Variants in CBFA2T3 observed in about 807,000 individuals in gnomAD.
The protein encoded by CBFA2T3 is transcriptional corepressor CBFA2T3.
CBFA2T3 carries 31 observed loss-of-function variants against 58.6 expected under a neutral mutation model. That is an observed-to-expected ratio of 0.53 (90% CI 0.40 to 0.71). CBFA2T3 has a LOEUF of 0.71. Among genes scored for constraint, CBFA2T3 ranks in the 30% least tolerant of loss-of-function variants. The pLI, the probability that CBFA2T3 is intolerant of heterozygous loss-of-function variation, is 0.00. For synonymous variants in CBFA2T3, 531 were observed against 421.9 expected, an observed-to-expected ratio of 1.26 and a Z score of -3.17; for missense variants, 1,076 against 963.1, an observed-to-expected ratio of 1.12 and a Z score of -1.55.
intron 1 of CBFA2T3, among the ~76,000 whole-genome samples, chr16:88,954,258 T>C (rs955838257): frequency 6.6e-6 from 1 of 151,922 alleles, no homozygotes; most frequent in African/African-American, 2.4e-5. Flanking sequence ...ACCCATCTAC[T>C]CTGACAGCCC....
rs539724734 is a variant in CBFA2T3 at position 88,953,261 on chromosome 16, C to T, written c.151+23396G>A. Among the ~76,000 whole-genome samples the T allele has an allele frequency of 1.7e-4, 26 of 152,326 alleles. No homozygotes were observed. The South Asian group carries it at 3.7e-3, about 22-fold the overall frequency. ...AGAGGCCGAGGGACCCTCATTTCTA[C>T]GTTTGCATCCCTTTCTTCCAGGGCC... On this transcript the variant is annotated intron_variant, in intron 1 of 11. Transcript: ENST00000268679. The surrounding 1 kb of genome is among the most constrained non-coding windows in gnomAD (Gnocchi z 4.9).
chr16:88,879,548 CAG>C lies in CBFA2T3; in HGVS notation c.1472-90_1472-89del, dbSNP rs565672384. On this transcript the variant is annotated intron_variant, in intron 10 of 11. Transcript: ENST00000268679. ...CCTACGCGTGGCCACAACCTGGGGA[CAG>C]GGGCTGTGTGCAGCTGAACACACGT... 11,543 of 1,244,000 alleles carry C rather than the reference CAG, an allele frequency of 9.3e-3. 84 individuals are homozygous for C. The highest frequency in any genetic ancestry group is 0.014 in the Middle Eastern group (75 of 5,184). The allele number at this position is 1,244,000 out of a possible 1,614,324, so 77.1% of individuals were successfully genotyped here. A position where few individuals can be genotyped will look rare whatever the true frequency, so the allele number is the denominator to read the frequency against.
Position 88,901,660 on chromosome 16 carries a change from C to T in CBFA2T3, c.152-4G>A, listed in dbSNP as rs369961032. On this transcript the variant is annotated splice_region_variant and splice_polypyrimidine_tract_variant and intron_variant, in intron 1 of 11. Transcript: ENST00000268679. ...TTAGCTTTCCTGTCCACTGGGGCTG[C>T]GACCAACGGAGAAAGAAAGAGTCGG... 23 of 1,523,480 alleles carry T rather than the reference C, an allele frequency of 1.5e-5. No individual in the cohort carries two copies. Among genetic ancestry groups the T allele is most frequent in the African/African-American group, 5.8e-5 (4 of 68,520 alleles). 94.4% of individuals were successfully genotyped at this position (1,523,480 alleles called of 1,614,324 possible).
In CBFA2T3 at chr16:88,876,093, AAAAAATACTTTGGC is replaced by A. The variant is rs1968819999; in HGVS notation, c.*869_*882del. 4.3e-6 allele frequency: 1 copy of A among 232,936 alleles called. No individual in the cohort carries two copies. Among genetic ancestry groups the A allele is most frequent in the African/African-American group, 2.2e-5 (1 of 45,322 alleles). The allele number at this position is 232,936 out of a possible 1,614,324, so 14.4% of individuals were successfully genotyped here. ...AACCCAAGAGCAAGTGAAACAGTGAAAAAAATACTTTGGCAGTGACAAACAAATTTTGGATTTTG... is the reference window on the plus strand; with the variant it reads ...AACCCAAGAGCAAGTGAAACAGTGAAAGTGACAAACAAATTTTGGATTTTG... On this transcript the variant is annotated 3_prime_UTR_variant, in exon 12 of 12. Coordinates refer to ENST00000268679, the MANE Select transcript of CBFA2T3 (RefSeq NM_005187.6).
intron 1 of CBFA2T3, among the ~76,000 whole-genome samples, chr16:88,906,843 C>T (rs556421925): frequency 1.2e-4 from 18 of 152,362 alleles, no homozygotes; most frequent in Admixed American, 1.1e-3. Context: ...GTCCCGATGC[C>T]AGCCAGCCTG....
Position 88,881,284 on chromosome 16 carries a change from C to T in CBFA2T3, c.1402+7G>A, listed in dbSNP as rs747338837. 3.1e-5 allele frequency: 49 copies of T among 1,594,624 alleles called. No homozygotes were observed. Among genetic ancestry groups the T allele is most frequent in the Middle Eastern group, 1.7e-4 (1 of 6,028 alleles). On this transcript the variant is annotated splice_region_variant and intron_variant, in intron 9 of 11. Transcript: ENST00000268679. ...GTCTGCTCCCTCCCCCCACACCCCA[C>T]ACGCACCTAGCTGAGGCCCTTCGGG...
chr16:88,928,300 G>A (rs1971152980), intron 1 of CBFA2T3, among the ~76,000 whole-genome samples: 1 of 152,196 alleles, frequency 6.6e-6, no homozygotes, highest in African/African-American at 2.4e-5. Flanking sequence ...TGTGGTTTCG[G>A]GGACGCTCCC....
chr16:88,885,783 G>A lies in CBFA2T3; in HGVS notation c.893+178C>T, dbSNP rs376743040. On this transcript the variant is annotated intron_variant, in intron 6 of 11. Coordinates refer to ENST00000268679, the MANE Select transcript of CBFA2T3 (RefSeq NM_005187.6). This position sits in a 1 kb window ranked among gnomAD's most constrained non-coding sequence, Gnocchi z 5.3. ...GAGTCTGCAGCCCACTGGGGTGTCC[G>A]CCCGTGCAGCCACCAAGCCTGCTGG... 1.5e-5 allele frequency: 9 copies of A among 601,422 alleles called. No individual in the cohort carries two copies. The East Asian group carries it at 2.0e-4, about 13-fold the overall frequency. 37.3% of individuals were successfully genotyped at this position (601,422 alleles called of 1,614,324 possible). A position where few individuals can be genotyped will look rare whatever the true frequency, so the allele number is the denominator to read the frequency against.
chr16:88,976,942 G>C lies in CBFA2T3; in HGVS notation c.-135C>G, dbSNP rs1224914207. On this transcript the variant is annotated 5_prime_UTR_variant, in exon 1 of 12. Transcript: ENST00000268679. ...TGGGGCGTCCTGGAGTTGGGCCTCT[G>C]TCCCTGGAAAGCCGAGGCCCTCCCG... is the stretch of plus-strand genomic sequence containing the variant. The C allele has an allele frequency of 5.2e-6, 6 of 1,151,628 alleles. No individual in the cohort carries two copies. Among genetic ancestry groups the C allele is most frequent in the Admixed American group, 2.8e-5 (1 of 35,668 alleles). The allele number at this position is 1,151,628 out of a possible 1,614,324, so 71.3% of individuals were successfully genotyped here.
intron 1 of CBFA2T3, among the ~76,000 whole-genome samples, chr16:88,956,407 G>C (rs1208315252): frequency 6.6e-6 from 1 of 152,254 alleles, no homozygotes; most frequent in African/African-American, 2.4e-5. Flanking sequence ...AGGGCTCTCT[G>C]CTCTTTGAGC....
At chr16:88,965,867 A>C (rs1972488072) in intron 1 of CBFA2T3, among the ~76,000 whole-genome samples, 1 of 152,188 alleles carries the variant, frequency 6.6e-6, no homozygotes, top group Non-Finnish European at 1.5e-5. Context: ...AAACAAAAGC[A>C]TTAAAAGCCC....
chr16:88,966,376 G>C (rs1054843758), intron 1 of CBFA2T3, among the ~76,000 whole-genome samples: 3 of 152,196 alleles, frequency 2.0e-5, no homozygotes, highest in African/African-American at 7.2e-5. Context: ...CCACAGAGGA[G>C]AGCAGAGCGG....
At chr16:88,891,604 C>T (rs1406222809) in intron 5 of CBFA2T3, among the ~76,000 whole-genome samples, 1 of 152,204 alleles carries the variant, frequency 6.6e-6, no homozygotes, top group Non-Finnish European at 1.5e-5. Context: ...ACAGCTCTGT[C>T]CTGTGCTGGA....
intron 1 of CBFA2T3, among the ~76,000 whole-genome samples, chr16:88,942,336 G>A (rs1597770951): frequency 6.6e-6 from 1 of 152,200 alleles, no homozygotes; most frequent in Non-Finnish European, 1.5e-5. Flanking sequence ...GGGGGGCCCA[G>A]GGGTCACCAT....
In CBFA2T3 at chr16:88,879,664, G is replaced by A. The variant is rs1968986811; in HGVS notation, c.1472-204C>T. On this transcript the variant is annotated intron_variant, in intron 10 of 11. Transcript: ENST00000268679. Reference sequence around the variant, plus strand: ...TGTGCACACACAGACACACGTTGATGGCCCTCATGCCTGTGCAGACAAGTG... The same window carrying A: ...TGTGCACACACAGACACACGTTGATAGCCCTCATGCCTGTGCAGACAAGTG... The A allele has an allele frequency of 8.9e-6, 5 of 559,320 alleles. No homozygotes were observed. The South Asian group carries it at 9.7e-5, about 11-fold the overall frequency. 34.6% of individuals were successfully genotyped at this position (559,320 alleles called of 1,614,324 possible). A position where few individuals can be genotyped will look rare whatever the true frequency, so the allele number is the denominator to read the frequency against.
At chr16:88,914,227 A>G (rs564364541) in intron 1 of CBFA2T3, among the ~76,000 whole-genome samples, 20 of 152,342 alleles carry the variant, frequency 1.3e-4, no homozygotes, top group Non-Finnish European at 2.9e-4. Context: ...AGAATCAGGC[A>G]GCAACACTCT....
At position 88,879,375 on chromosome 16, in the gene CBFA2T3, G is replaced by A. The variant is rs763043007; in HGVS notation, c.1557C>T (p.Leu519=). 1 of 1,612,980 alleles carries A rather than the reference G, an allele frequency of 6.2e-7. No homozygotes were observed. Among genetic ancestry groups the A allele is most frequent in the Non-Finnish European group, 8.5e-7 (1 of 1,179,812 alleles). ...CCATCTTGGCACGCTCCGTGGTGAT[G>A]AGCTCGTGCGCTTTGCGCTCCGCGT... ...VSDAERKAHE[L]ITTERAKMER... The change falls in exon 11 of 12, where the codon CTC becomes CTT. Residue 519 remains leucine (L), a synonymous_variant. Transcript: ENST00000268679.
chr16:88,908,731 C>T (rs1970422487), intron 1 of CBFA2T3, among the ~76,000 whole-genome samples: 1 of 152,260 alleles, frequency 6.6e-6, no homozygotes, highest in African/African-American at 2.4e-5. Context: ...GTAACAAGCC[C>T]TGCTTCCGCT....
chr16:88,912,327 T>C (rs73254255), intron 1 of CBFA2T3, among the ~76,000 whole-genome samples: 13,465 of 152,328 alleles, frequency 0.088, 1,360 homozygotes, highest in African/African-American at 0.24. Context: ...CAAAGTGTGC[T>C]GTGCGTCCTG....
Sources: gnomAD v4.1 joint callset for allele counts (sites outside exome capture counted in the v4.1 genomes callset) on GRCh38, gnomAD v4.1.1 for gene constraint, Gnocchi (gnomAD v3.1) non-coding constraint, MANE v1.5 for transcripts, NCBI Gene and HGNC (gene_info 2026-07-23, HGNC 2026-07-21) for gene names.